GLCE: variants seen among roughly 807,000 people sequenced by gnomAD.
GLCE encodes the protein glucuronic acid epimerase, also known as D-glucuronyl C5-epimerase.
A neutral mutation model predicts 47.9 loss-of-function variants in GLCE; 19 were observed. The ratio of observed to expected loss-of-function variants is 0.40; its 90% CI spans 0.28 to 0.58. GLCE has a LOEUF of 0.58. GLCE is among the 20% of genes least tolerant of loss of function. GLCE has a pLI of 0.48. For missense variants in GLCE, 556 were observed against 743.3 expected, an observed-to-expected ratio of 0.75 and a Z score of 2.93; for synonymous variants, 245 against 263.4, an observed-to-expected ratio of 0.93 and a Z score of 0.68.
intron 1 of GLCE, among the ~76,000 whole-genome samples, chr15:69,169,016 C>T (rs2051545911): frequency 6.6e-6 from 1 of 152,160 alleles, no homozygotes; most frequent in South Asian, 2.1e-4. Flanking sequence ...TTAGTCATTG[C>T]TTAACGAAAG....
intron 2 of GLCE, among the ~76,000 whole-genome samples, chr15:69,245,811 C>T (rs2140424870): frequency 6.6e-6 from 1 of 152,266 alleles, no homozygotes; most frequent in East Asian, 1.9e-4. Context: ...TCACTGCAAC[C>T]TCCGTCTCCT....
At chr15:69,210,804 G>C (rs2052222716) in intron 2 of GLCE, among the ~76,000 whole-genome samples, 1 of 152,100 alleles carries the variant, frequency 6.6e-6, no homozygotes, top group African/African-American at 2.4e-5. Context: ...AAGTTTATTG[G>C]AACACAGTCA....
At chr15:69,182,495 T>C (rs565038956) in intron 1 of GLCE, among the ~76,000 whole-genome samples, 26 of 152,020 alleles carry the variant, frequency 1.7e-4, no homozygotes, top group Non-Finnish European at 2.9e-4. Flanking sequence ...AAGATTGACA[T>C]AGTCAGAAGG....
chr15:69,195,099 T>G (rs1372131765), intron 1 of GLCE, among the ~76,000 whole-genome samples: 1 of 152,102 alleles, frequency 6.6e-6, no homozygotes, highest in Non-Finnish European at 1.5e-5. Context: ...TATGTGTATG[T>G]ATGTGGGAGG....
intron 1 of GLCE, among the ~76,000 whole-genome samples, chr15:69,168,939 G>T (rs184767843): frequency 5.3e-5 from 8 of 152,274 alleles, no homozygotes; most frequent in Non-Finnish European, 1.0e-4. Flanking sequence ...ATGTAAACAT[G>T]TAACCAACAA....
chr15:69,235,647 C>T (rs958693397), intron 2 of GLCE, among the ~76,000 whole-genome samples: 2 of 152,146 alleles, frequency 1.3e-5, no homozygotes, highest in Non-Finnish European at 2.9e-5. Context: ...AAATTTAGGC[C>T]TATCAGACTA....
chr15:69,263,269 G>T (rs929598376), intron 4 of GLCE, among the ~76,000 whole-genome samples: 1 of 152,148 alleles, frequency 6.6e-6, no homozygotes, highest in Non-Finnish European at 1.5e-5. Flanking sequence ...CTATTTTATT[G>T]AAGCATAGGT....
At chr15:69,257,856 C>T (rs1453597043) in intron 3 of GLCE, among the ~76,000 whole-genome samples, 3 of 151,602 alleles carry the variant, frequency 2.0e-5, no homozygotes, top group African/African-American at 7.3e-5. Context: ...TTTTTTTCAG[C>T]AGTTTTTTAA....
At chr15:69,230,740 A>G (rs950751063) in intron 2 of GLCE, among the ~76,000 whole-genome samples, 5 of 152,204 alleles carry the variant, frequency 3.3e-5, no homozygotes, top group African/African-American at 1.2e-4. Flanking sequence ...TTCTAGATGT[A>G]TTTGTGTCCT....
chr15:69,255,705 A>AT, intron 2 of GLCE, 89 bp from the exon 3 acceptor site: 3 of 781,938 alleles, frequency 3.8e-6, no homozygotes, highest in Non-Finnish European at 6.1e-6. Flanking sequence ...GTTGTTCAAC[A>AT]TTAAAAAAAA....
chr15:69,254,239 C>T (rs1310777807), intron 2 of GLCE, among the ~76,000 whole-genome samples: 1 of 152,168 alleles, frequency 6.6e-6, no homozygotes, highest in Non-Finnish European at 1.5e-5. Context: ...TGAAATGTAT[C>T]ATACATTATA....
rs974965130 is a variant in GLCE at position 69,271,814 on chromosome 15, G to T, written c.*2570G>T. On this transcript the variant is annotated 3_prime_UTR_variant, in exon 5 of 5. Coordinates refer to ENST00000261858, the MANE Select transcript of GLCE (RefSeq NM_015554.3). ...AGGCTTCATCCACGAACCATCCAGC[G>T]CACAGAAGCAAGTGCAAAAATGACA... The T allele has an allele frequency of 8.5e-5, 13 of 152,590 alleles. No individual in the cohort carries two copies. The highest frequency in any genetic ancestry group is 3.1e-4 in the African/African-American group (13 of 41,444). 9.5% of individuals were successfully genotyped at this position (152,590 alleles called of 1,614,324 possible).
At chr15:69,230,076 C>T (rs931174133) in intron 2 of GLCE, among the ~76,000 whole-genome samples, 5 of 151,676 alleles carry the variant, frequency 3.3e-5, no homozygotes, top group Non-Finnish European at 5.9e-5. Flanking sequence ...GGCATGGTGG[C>T]GGGCACCTGT....
At chr15:69,187,270 ACTTAT>A (rs1184249655) in intron 1 of GLCE, among the ~76,000 whole-genome samples, 5 of 152,078 alleles carry the variant, frequency 3.3e-5, no homozygotes, top group African/African-American at 9.7e-5. Context: ...AAATGAAAAG[ACTTAT>A]CTTACCATAT....
chr15:69,258,771 A>G (rs188261962), intron 3 of GLCE, among the ~76,000 whole-genome samples: 37 of 152,348 alleles, frequency 2.4e-4, no homozygotes, highest in Admixed American at 7.8e-4. Flanking sequence ...TTTTAAATAT[A>G]TAATAAATTA....
intron 1 of GLCE, among the ~76,000 whole-genome samples, chr15:69,187,398 T>C (rs564134606): frequency 6.6e-6 from 1 of 152,336 alleles, no homozygotes; most frequent in East Asian, 1.9e-4. Flanking sequence ...CATTTAACAT[T>C]TGTATCATTT....
chr15:69,212,145 G>C (rs548097822), intron 2 of GLCE, among the ~76,000 whole-genome samples: 2 of 151,556 alleles, frequency 1.3e-5, no homozygotes, highest in South Asian at 4.1e-4. Context: ...CCTTAGCATT[G>C]TGTGTGTTTA....
intron 2 of GLCE, among the ~76,000 whole-genome samples, chr15:69,214,347 A>G (rs996228032): frequency 2.0e-5 from 3 of 152,132 alleles, no homozygotes; most frequent in African/African-American, 7.2e-5. Flanking sequence ...TGACTGGATC[A>G]TGGGGCAGTG....
At chr15:69,169,047 A>T (rs1432746957) in intron 1 of GLCE, among the ~76,000 whole-genome samples, 2 of 152,192 alleles carry the variant, frequency 1.3e-5, no homozygotes, top group Non-Finnish European at 2.9e-5. Context: ...TCTGATACCC[A>T]TCACTATAGA....
Sources: allele counts gnomAD v4.1 joint callset (sites outside exome capture counted in the v4.1 genomes callset), GRCh38; gene constraint gnomAD v4.1.1; transcripts MANE v1.5; gene names NCBI Gene and HGNC (gene_info 2026-07-23, HGNC 2026-07-21).